The following MME variants were observed in gnomAD, a reference collection of about 807,000 sequenced individuals.
The protein encoded by MME is neprilysin.
In MME, 98 loss-of-function variants were observed where a neutral mutation model predicts 113.2. The ratio of observed to expected loss-of-function variants is 0.87; its 90% CI spans 0.74 to 1.02. The LOEUF (loss-of-function observed/expected upper bound fraction) is 1.02, where lower values mean the gene tolerates loss of function less well. Ranked by LOEUF, MME falls within the 50% of genes least tolerant of loss-of-function variation. The pLI, the probability that MME is intolerant of heterozygous loss-of-function variation, is 0.00. For synonymous variants in MME, 292 were observed against 300.6 expected, an observed-to-expected ratio of 0.97 and a Z score of 0.30; for missense variants, 836 against 896.0, an observed-to-expected ratio of 0.93 and a Z score of 0.86.
At chr3:155,074,111 G>T (rs1426143976) in intron 1 of MME, among the ~76,000 whole-genome samples, 2 of 150,584 alleles carry the variant, frequency 1.3e-5, no homozygotes, top group Non-Finnish European at 1.5e-5. Context: ...ACTTACTACT[G>T]AACTCATATT....
At chr3:155,117,166 A>G (rs1718693455) in intron 7 of MME, among the ~76,000 whole-genome samples, 180 bp downstream of exon 7, 1 of 152,166 alleles carries the variant, frequency 6.6e-6, no homozygotes, top group South Asian at 2.1e-4. Flanking sequence ...GTATTTTCTT[A>G]ATGCTGTTTT....
chr3:155,148,692 C>T, intron 16 of MME, 39 bp downstream of exon 16: 1 of 1,431,852 alleles, frequency 7.0e-7, no homozygotes, highest in Non-Finnish European at 9.8e-7. Flanking sequence ...CATCTAGAAG[C>T]AGGTCTTTCC....
intron 3 of MME, among the ~76,000 whole-genome samples, chr3:155,103,922 C>T (rs1265334226): frequency 1.3e-5 from 2 of 152,212 alleles, no homozygotes; most frequent in African/African-American, 4.8e-5. Context: ...TTACAAGAGA[C>T]TCCTTACCTC....
At chr3:155,153,228 T>C (rs1722069756) in intron 16 of MME, among the ~76,000 whole-genome samples, 2 of 152,176 alleles carry the variant, frequency 1.3e-5, no homozygotes, top group South Asian at 2.1e-4. Context: ...GGCTTCACCA[T>C]GTTGGCCAGG....
chr3:155,069,302 G>A (rs1714478013), intron 1 of MME, among the ~76,000 whole-genome samples: 1 of 152,218 alleles, frequency 6.6e-6, no homozygotes, highest in African/African-American at 2.4e-5. Flanking sequence ...CAATGTTGTA[G>A]AAGCTAAGAG....
chr3:155,143,687 G>A (rs1265147200), intron 13 of MME, 116 bp downstream of exon 13: 3 of 1,215,740 alleles, frequency 2.5e-6, no homozygotes, highest in African/African-American at 1.5e-5. Context: ...TTTAGGCAGA[G>A]AACCTCTGAA....
At chr3:155,141,749 A>G (rs1026000873) in intron 10 of MME, among the ~76,000 whole-genome samples, 28 of 152,252 alleles carry the variant, frequency 1.8e-4, no homozygotes, top group African/African-American at 5.5e-4. Flanking sequence ...CATTAAGCCT[A>G]ATTTCTAGGT....
At chr3:155,097,917 T>G (rs1346276345) in intron 3 of MME, among the ~76,000 whole-genome samples, 2 of 152,152 alleles carry the variant, frequency 1.3e-5, no homozygotes, top group African/African-American at 4.8e-5. Flanking sequence ...ACCAGGCAGT[T>G]GTGGGGTTTC....
At chr3:155,051,189 T>C (rs973559429) in intron 1 of MME, among the ~76,000 whole-genome samples, 1 of 152,178 alleles carries the variant, frequency 6.6e-6, no homozygotes, top group Non-Finnish European at 1.5e-5. Flanking sequence ...TCCTGAACAA[T>C]ATTTTGCTGA....
intron 16 of MME, among the ~76,000 whole-genome samples, chr3:155,149,758 T>C (rs1721786591): frequency 6.6e-6 from 1 of 152,174 alleles, no homozygotes; most frequent in Non-Finnish European, 1.5e-5. Context: ...AAACTGCTAA[T>C]GGAAATGCCA....
chr3:155,143,348 A>G (rs533632383), intron 12 of MME, 95 bp from the exon 13 acceptor site: 2 of 1,427,100 alleles, frequency 1.4e-6, no homozygotes, highest in Non-Finnish European at 2.0e-6. Flanking sequence ...TGAATATTTC[A>G]AGAACTTAGA....
intron 8 of MME, among the ~76,000 whole-genome samples, 177 bp from the exon 9 acceptor site, chr3:155,137,925 A>T (rs1720758623): frequency 7.4e-6 from 1 of 135,690 alleles, no homozygotes; most frequent in South Asian, 2.5e-4. Context: ...TTATTCAAAG[A>T]TATATTGACT....
chr3:155,027,580 C>G (rs1488379485), intron 1 of MME, among the ~76,000 whole-genome samples: 1 of 152,216 alleles, frequency 6.6e-6, no homozygotes, highest in African/African-American at 2.4e-5. Context: ...TTTCCCTGAT[C>G]TGAAAACCTC....
Position 155,168,580 on chromosome 3 carries a change from G to C in MME, c.1869G>C (p.Val623=), listed in dbSNP as rs189182286. ...TTAAGGAGCAATCCCAGTGCATGGTGTATCAGTATGGAAACTTTTCCTGGG... is the reference window on the plus strand; with the variant it reads ...TTAAGGAGCAATCCCAGTGCATGGTCTATCAGTATGGAAACTTTTCCTGGG... The part of the protein sequence containing the change: ...SNFKEQSQCM[V]YQYGNFSWDL... The change falls in exon 19 of 23, where the codon GTG becomes GTC. Residue 623 remains valine, a synonymous_variant. Coordinates refer to ENST00000360490, the MANE Select transcript of MME (RefSeq NM_007289.4). 1.5e-5 allele frequency: 24 copies of C among 1,613,812 alleles called. No individual in the cohort carries two copies. In the Admixed American group the frequency reaches 3.8e-4, roughly 26 times the overall value.
chr3:155,032,726 A>G (rs1471986571), intron 1 of MME, among the ~76,000 whole-genome samples: 1 of 152,218 alleles, frequency 6.6e-6, no homozygotes, highest in African/African-American at 2.4e-5. Context: ...CCAAAATGTC[A>G]ACCTAAAATA....
intron 3 of MME, among the ~76,000 whole-genome samples, chr3:155,110,222 G>T (rs917587198): frequency 1.6e-4 from 25 of 152,234 alleles, no homozygotes; most frequent in Non-Finnish European, 1.2e-4. Flanking sequence ...CCAGCCTTCT[G>T]CATTCAAAGC....
At chr3:155,141,613 AC>A (rs1357510228) in intron 10 of MME, among the ~76,000 whole-genome samples, 2 of 152,162 alleles carry the variant, frequency 1.3e-5, no homozygotes, top group Admixed American at 1.3e-4. Flanking sequence ...GTTTATTAAT[AC>A]CCACTTTTAA....
chr3:155,105,987 T>C (rs1576589855), intron 3 of MME, among the ~76,000 whole-genome samples: 3 of 152,294 alleles, frequency 2.0e-5, no homozygotes, highest in African/African-American at 7.2e-5. Flanking sequence ...TGCCTACGTG[T>C]GTGTATGCAT....
intron 3 of MME, among the ~76,000 whole-genome samples, chr3:155,106,139 AT>A (rs769854925): frequency 6.6e-6 from 1 of 152,226 alleles, no homozygotes; most frequent in Admixed American, 6.5e-5. Flanking sequence ...TACAGAGTAA[AT>A]TCACTATGCT....
Sources: allele counts gnomAD v4.1 joint callset (sites outside exome capture counted in the v4.1 genomes callset), GRCh38; gene constraint gnomAD v4.1.1; transcripts MANE v1.5; gene names NCBI Gene and HGNC (gene_info 2026-07-23, HGNC 2026-07-21).